Variants in LTBP1 observed in about 807,000 individuals in gnomAD.
The protein encoded by LTBP1 is latent transforming growth factor beta binding protein 1.
A neutral mutation model predicts 207.6 loss-of-function variants in LTBP1; 129 were observed. The ratio of observed to expected loss-of-function variants is 0.62; its 90% CI spans 0.54 to 0.72. LTBP1 has a LOEUF of 0.72. LTBP1 is among the 30% of genes least tolerant of loss of function. LTBP1 has a pLI of 0.00. For missense variants in LTBP1, 2,281 were observed against 2,217.2 expected, an observed-to-expected ratio of 1.03 and a Z score of -0.58; for synonymous variants, 963 against 833.7, an observed-to-expected ratio of 1.16 and a Z score of -2.67.
chr2:32,987,792 A>G (rs1389797611), intron 2 of LTBP1, among the ~76,000 whole-genome samples: 3 of 152,220 alleles, frequency 2.0e-5, no homozygotes, highest in Admixed American at 6.5e-5. Context: ...ACCTCTAGCC[A>G]TATTTACAAT....
At chr2:32,989,530 C>T (rs1015381952) in intron 2 of LTBP1, among the ~76,000 whole-genome samples, 4 of 152,106 alleles carry the variant, frequency 2.6e-5, no homozygotes, top group African/African-American at 4.8e-5. Context: ...TTTACTCTGA[C>T]CCGTGGATCA....
intron 31 of LTBP1, among the ~76,000 whole-genome samples, chr2:33,378,221 G>GTT (rs1553314618): frequency 4.3e-5 from 6 of 140,206 alleles, no homozygotes; most frequent in African/African-American, 1.4e-4. Context: ...GTGTGTGTGT[G>GTT]TTTTGTTTGT....
At chr2:33,011,547 G>A (rs1687673461) in intron 2 of LTBP1, among the ~76,000 whole-genome samples, 1 of 152,102 alleles carries the variant, frequency 6.6e-6, no homozygotes, top group Non-Finnish European at 1.5e-5. Context: ...GTCACAGGGA[G>A]AAGACGGCCA....
chr2:33,127,252 A>G (rs994256551), intron 4 of LTBP1, among the ~76,000 whole-genome samples: 2 of 151,896 alleles, frequency 1.3e-5, no homozygotes, highest in Non-Finnish European at 2.9e-5. Flanking sequence ...TTTATGCAGA[A>G]TTTAAATTTC....
At chr2:33,353,057 C>T (rs1175722288) in intron 26 of LTBP1, among the ~76,000 whole-genome samples, 1 of 145,062 alleles carries the variant, frequency 6.9e-6, no homozygotes, top group Admixed American at 7.1e-5. Flanking sequence ...TGGCTCATCA[C>T]AACCTCCACC....
intron 5 of LTBP1, among the ~76,000 whole-genome samples, chr2:33,162,182 A>G (rs1286397928): frequency 6.6e-6 from 1 of 152,218 alleles, no homozygotes; most frequent in African/African-American, 2.4e-5. Context: ...GTACCAGAAT[A>G]AAGGGTGAAG....
chr2:33,193,582 T>C (rs2088174457), intron 7 of LTBP1, among the ~76,000 whole-genome samples: 1 of 152,248 alleles, frequency 6.6e-6, no homozygotes, highest in Non-Finnish European at 1.5e-5. Context: ...CTTTTACTAA[T>C]TGAATGAAGG....
At chr2:33,273,246 C>T (rs2093358500) in intron 15 of LTBP1, among the ~76,000 whole-genome samples, 1 of 152,006 alleles carries the variant, frequency 6.6e-6, no homozygotes, top group African/African-American at 2.4e-5. Context: ...CAATGTGTTT[C>T]TTATCAATAG....
At chr2:33,355,606 A>T (rs1017896625) in intron 26 of LTBP1, among the ~76,000 whole-genome samples, 3 of 152,036 alleles carry the variant, frequency 2.0e-5, no homozygotes, top group Non-Finnish European at 2.9e-5. Context: ...ACTGTACTTT[A>T]TTTGGCTTCC....
At position 32,947,221 on chromosome 2, in the gene LTBP1, T is replaced by A; in HGVS notation, c.-104T>A. 2.2e-6 allele frequency: 2 copies of A among 906,888 alleles called. No homozygotes were observed. Among genetic ancestry groups the A allele is most frequent in the Non-Finnish European group, 2.9e-6 (2 of 700,038 alleles). The allele number at this position is 906,888 out of a possible 1,614,324, so 56.2% of individuals were successfully genotyped here. A position where few individuals can be genotyped will look rare whatever the true frequency, so the allele number is the denominator to read the frequency against. On this transcript the variant is annotated 5_prime_UTR_variant, in exon 1 of 34. Coordinates refer to ENST00000404816, the MANE Select transcript of LTBP1 (RefSeq NM_206943.4). ...GTCTCCTCCCGCCTTTCCCGGGCTC[T>A]CGGCAGCTCTCGGGGGAGCCCGAAC...
At chr2:33,097,516 G>A (rs551350413) in intron 3 of LTBP1, among the ~76,000 whole-genome samples, 5 of 152,014 alleles carry the variant, frequency 3.3e-5, no homozygotes, top group South Asian at 2.1e-4. Context: ...ATCATTTTAC[G>A]CCACTGGAAT....
At chr2:33,377,815 A>G (rs1458514100) in intron 31 of LTBP1, among the ~76,000 whole-genome samples, 1 of 152,192 alleles carries the variant, frequency 6.6e-6, no homozygotes, top group Non-Finnish European at 1.5e-5. Context: ...CAGAAGGCAA[A>G]GCCAGACACT....
chr2:33,260,371 A>T (rs905950828), intron 13 of LTBP1, among the ~76,000 whole-genome samples: 5 of 152,214 alleles, frequency 3.3e-5, no homozygotes, highest in Non-Finnish European at 7.3e-5. Context: ...TGCATGTAAC[A>T]GGCTTTAATT....
chr2:33,086,259 A>G (rs2078748991), intron 3 of LTBP1, among the ~76,000 whole-genome samples: 1 of 152,224 alleles, frequency 6.6e-6, no homozygotes, highest in African/African-American at 2.4e-5. Context: ...GTACCAGGTA[A>G]GTTCAAGAAA....
At chr2:33,237,766 A>C (rs1316193977) in intron 9 of LTBP1, among the ~76,000 whole-genome samples, 2 of 152,188 alleles carry the variant, frequency 1.3e-5, no homozygotes, top group Non-Finnish European at 2.9e-5. Flanking sequence ...ACCTTTCAAG[A>C]CAGTGTTCTT....
At chr2:33,156,706 C>A (rs553741789) in intron 5 of LTBP1, among the ~76,000 whole-genome samples, 137 of 150,884 alleles carry the variant, frequency 9.1e-4, no homozygotes, top group African/African-American at 3.2e-3. Context: ...ATATATATAA[C>A]AATTGAACAT....
chr2:33,109,930 A>G (rs2080293160), intron 3 of LTBP1, among the ~76,000 whole-genome samples: 2 of 152,228 alleles, frequency 1.3e-5, no homozygotes, highest in Non-Finnish European at 2.9e-5. Flanking sequence ...GTCCCACTGT[A>G]TCATACAGCT....
At chr2:33,263,012 GTT>G (rs75620528) in intron 14 of LTBP1, among the ~76,000 whole-genome samples, 191 bp downstream of exon 14, 3 of 146,148 alleles carry the variant, frequency 2.1e-5, no homozygotes, top group African/African-American at 5.0e-5. Flanking sequence ...GGAAAGATAG[GTT>G]TTTTTTTTTT....
chr2:33,084,325 C>G (rs915706212), intron 3 of LTBP1, among the ~76,000 whole-genome samples: 1 of 152,038 alleles, frequency 6.6e-6, no homozygotes, highest in African/African-American at 2.4e-5. Flanking sequence ...CTTGGGGAGA[C>G]AGGGAGGAAA....
Sources: gnomAD v4.1 joint callset for allele counts (sites outside exome capture counted in the v4.1 genomes callset) on GRCh38, gnomAD v4.1.1 for gene constraint, MANE v1.5 for transcripts, NCBI Gene and HGNC (gene_info 2026-07-23, HGNC 2026-07-21) for gene names.